CHLSN: variants seen among roughly 807,000 people sequenced by gnomAD.
The protein encoded by CHLSN is cholesin.
the CHLSN span, among the ~76,000 whole-genome samples, chr7:1,099,615 G>A: frequency 6.6e-6 from 1 of 152,064 alleles, no homozygotes; most frequent in South Asian, 2.1e-4. Flanking sequence ...GGAAAAGAGC[G>A]TTAGTCAAAA....
chr7:1,057,627 G>A, the CHLSN span: 7 of 769,290 alleles, frequency 9.1e-6, no homozygotes, highest in African/African-American at 3.4e-5. Context: ...GGTGGTGGGC[G>A]TGCCAGTGGG....
the CHLSN span, among the ~76,000 whole-genome samples, chr7:1,045,115 G>A: frequency 0.01 from 1,556 of 152,322 alleles, 24 homozygotes; most frequent in African/African-American, 0.035. Flanking sequence ...GGCATGGGAC[G>A]GCTCTTTCAA....
At chr7:1,023,080 C>T in the CHLSN span, 1 of 425,554 alleles carries the variant, frequency 2.3e-6, no homozygotes, top group Admixed American at 2.7e-5. The surrounding 1 kb of genome is among the most constrained non-coding windows in gnomAD (Gnocchi z 5.0). Flanking sequence ...TGGGACGCTT[C>T]CTGCCATGGT....
the CHLSN span, chr7:988,907 C>G: frequency 2.3e-6 from 2 of 871,330 alleles, no homozygotes; most frequent in Non-Finnish European, 3.5e-6. Context: ...CCCCACAGCT[C>G]GGACTGCTCT....
At chr7:1,084,526 A>G in the CHLSN span, among the ~76,000 whole-genome samples, 1 of 152,214 alleles carries the variant, frequency 6.6e-6, no homozygotes, top group Non-Finnish European at 1.5e-5. Flanking sequence ...CCTTGTGCCT[A>G]TGGGGGAGAA....
the CHLSN span, among the ~76,000 whole-genome samples, chr7:1,066,666 C>T: frequency 3.5e-3 from 534 of 152,326 alleles, 4 homozygotes; most frequent in African/African-American, 0.012. Context: ...AGCCCCAGAC[C>T]CTTGGTACTG....
chr7:1,041,956 G>A, the CHLSN span, among the ~76,000 whole-genome samples: 11 of 152,334 alleles, frequency 7.2e-5, no homozygotes, highest in Non-Finnish European at 1.3e-4. Context: ...GCCTGAATGC[G>A]GCAGGGGAAG....
the CHLSN span, among the ~76,000 whole-genome samples, chr7:1,036,451 G>A: frequency 2.4e-5 from 3 of 126,778 alleles, no homozygotes; most frequent in African/African-American, 5.0e-5. Context: ...TCGGGTGCTC[G>A]TGGTGTGGCC....
At chr7:984,461 A>G in the CHLSN span, 1 of 1,550,890 alleles carries the variant, frequency 6.4e-7, no homozygotes. Flanking sequence ...GGGCGCCAGA[A>G]GACGGTGGTG....
chr7:1,137,238 G>C, the CHLSN span: 1 of 153,064 alleles, frequency 6.5e-6, no homozygotes, highest in African/African-American at 2.4e-5. Context: ...GACCTGGAAT[G>C]TTCTGGTGCC....
chr7:993,009 G>T, the CHLSN span, among the ~76,000 whole-genome samples: 2 of 152,220 alleles, frequency 1.3e-5, no homozygotes, highest in South Asian at 4.1e-4. Flanking sequence ...GGGGGAGGGG[G>T]TGGCCCATGG....
the CHLSN span, among the ~76,000 whole-genome samples, chr7:1,070,639 G>T: frequency 7.9e-5 from 11 of 139,672 alleles, no homozygotes; most frequent in Non-Finnish European, 1.4e-4. Context: ...ACACGCACAC[G>T]GACACACATG....
At chr7:1,066,434 C>T in the CHLSN span, among the ~76,000 whole-genome samples, 1 of 152,248 alleles carries the variant, frequency 6.6e-6, no homozygotes, top group Non-Finnish European at 1.5e-5. Context: ...GAGGATACTG[C>T]CTGTTTCCCG....
chr7:1,067,903 C>A, the CHLSN span, among the ~76,000 whole-genome samples: 1 of 144,574 alleles, frequency 6.9e-6, no homozygotes, highest in South Asian at 2.3e-4. Context: ...CTGGAGTGCA[C>A]CCCAGAGGTG....
At chr7:1,039,354 G>T in the CHLSN span, among the ~76,000 whole-genome samples, 2 of 53,916 alleles carry the variant, frequency 3.7e-5, no homozygotes, top group Admixed American at 1.6e-4. Context: ...CGCCCCGTCC[G>T]GGAGGGAGGT....
the CHLSN span, chr7:1,026,311 C>A: frequency 0.13 from 19,405 of 152,310 alleles, 1,480 homozygotes; most frequent in African/African-American, 0.21. Context: ...AGAGCCCTCG[C>A]AGAGCCAGCG....
the CHLSN span, among the ~76,000 whole-genome samples, chr7:1,055,039 C>A: frequency 6.6e-6 from 1 of 152,214 alleles, no homozygotes; most frequent in South Asian, 2.1e-4. Flanking sequence ...GCCTGACCTG[C>A]CCCCAGGCTC....
the CHLSN span, among the ~76,000 whole-genome samples, chr7:1,073,696 G>GA: frequency 1.4e-4 from 2 of 14,068 alleles, no homozygotes; most frequent in African/African-American, 2.8e-4. Flanking sequence ...CCACGACCCC[G>GA]CACCCTGCTG....
the CHLSN span, among the ~76,000 whole-genome samples, chr7:1,124,560 GGGGGGT>G: frequency 1.2e-4 from 13 of 112,130 alleles, no homozygotes; most frequent in East Asian, 1.8e-3. Context: ...AGAGGCAGTC[GGGGGGT>G]GGGGGGGGAG....
Sources: allele counts gnomAD v4.1 joint callset (sites outside exome capture counted in the v4.1 genomes callset), GRCh38; gene constraint gnomAD v4.1.1; non-coding constraint Gnocchi (gnomAD v3.1); transcripts MANE v1.5; gene names NCBI Gene and HGNC (gene_info 2026-07-23, HGNC 2026-07-21).